Variants in SVIL observed in about 807,000 individuals in gnomAD.
The protein encoded by SVIL is archvillin.
SVIL carries 101 observed loss-of-function variants against 240.4 expected under a neutral mutation model. That is an observed-to-expected ratio of 0.42 (90% confidence interval 0.36 to 0.50). SVIL has a LOEUF of 0.50. SVIL is among the 20% of genes least tolerant of loss of function. SVIL has a pLI of 0.01. For synonymous variants in SVIL, 999 were observed against 1,100.0 expected, an observed-to-expected ratio of 0.91 and a Z score of 1.82; for missense variants, 2,512 against 2,818.7, an observed-to-expected ratio of 0.89 and a Z score of 2.46.
chr10:29,656,194 A>T (rs1351167407), intron 3 of SVIL, among the ~76,000 whole-genome samples: 59 of 147,180 alleles, frequency 4.0e-4, no homozygotes, highest in Admixed American at 7.4e-4. Flanking sequence ...TTTTTTTTTT[A>T]AAAACATGAA....
At chr10:29,464,192 T>G (rs1944614665) in intron 34 of SVIL, among the ~76,000 whole-genome samples, 1 of 152,042 alleles carries the variant, frequency 6.6e-6, no homozygotes, top group African/African-American at 2.4e-5. Context: ...ATCCCAGTGC[T>G]TTGGGAGGCT....
At chr10:29,611,638 C>T (rs1957247002) in intron 1 of SVIL, among the ~76,000 whole-genome samples, 2 of 152,142 alleles carry the variant, frequency 1.3e-5, no homozygotes, top group African/African-American at 4.8e-5. Flanking sequence ...TAAGGGGTAG[C>T]AAAAGGTAAG....
At chr10:29,470,598 G>T in intron 31 of SVIL, 115 bp from the exon 32 acceptor site, 1 of 1,160,552 alleles carries the variant, frequency 8.6e-7, no homozygotes. Flanking sequence ...CCAGGGCCAG[G>T]GACTTAGGGG....
rs573490315 is a variant in SVIL at position 29,487,381 on chromosome 10, G to A, written c.4349-82C>T. The A allele has an allele frequency of 4.1e-5, 60 of 1,469,668 alleles. No individual in the cohort carries two copies. In the East Asian group the frequency reaches 5.3e-4, roughly 13 times the overall value. The allele number at this position is 1,469,668 out of a possible 1,614,324, so 91.0% of individuals were successfully genotyped here. A position where few individuals can be genotyped will look rare whatever the true frequency, so the allele number is the denominator to read the frequency against. On this transcript the variant is annotated intron_variant, in intron 23 of 37. Transcript: ENST00000355867. ...CCCATATCGGAAGCATCCCTGCTGC[G>A]GACGCTTTCACTTCTAAAGAGTCTT...
At chr10:29,521,524 C>A (rs1950563076) in intron 16 of SVIL, among the ~76,000 whole-genome samples, 1 of 151,906 alleles carries the variant, frequency 6.6e-6, no homozygotes, top group African/African-American at 2.4e-5. Context: ...TTTTTTTGTA[C>A]AAATTTATGT....
intron 32 of SVIL, 75 bp from the exon 33 acceptor site, chr10:29,467,950 T>C (rs1945114514): frequency 2.0e-6 from 3 of 1,473,512 alleles, no homozygotes; most frequent in Admixed American, 1.9e-5. Context: ...ATTACTATTA[T>C]GATAACAGCT....
In SVIL at chr10:29,522,478, T is replaced by C. The variant is rs752516607; in HGVS notation, c.3321A>G (p.Gly1107=). 1.1e-5 allele frequency: 18 copies of C among 1,614,106 alleles called. No individual in the cohort carries two copies. The highest frequency in any genetic ancestry group is 1.7e-5 in the Admixed American group (1 of 60,008). Residue 1107 remains glycine (G), a synonymous_variant, in exon 16 of 38, where the codon GGA becomes GGG. Coordinates refer to ENST00000355867, the MANE Select transcript of SVIL (RefSeq NM_021738.3). The stretch of plus-strand genomic sequence containing the variant: ...CCTCCCCTGTCGGCGTTTTGATCTC[T>C]CCAGCAGCAAACATCGCACATGGAT... ...CKNPCAMFAA[G]EIKTPTGEGL...
At chr10:29,516,243 G>T (rs1369214193) in intron 16 of SVIL, among the ~76,000 whole-genome samples, 1 of 152,154 alleles carries the variant, frequency 6.6e-6, no homozygotes, top group Admixed American at 6.5e-5. Flanking sequence ...GTGCTGGCAG[G>T]GTTACCATTG....
intron 1 of SVIL, among the ~76,000 whole-genome samples, chr10:29,588,796 G>A (rs1006376369): frequency 4.6e-5 from 7 of 152,152 alleles, no homozygotes; most frequent in African/African-American, 1.7e-4. Flanking sequence ...CTGTGCAAGA[G>A]ATAAATGCGT....
intron 1 of SVIL, among the ~76,000 whole-genome samples, chr10:29,580,013 C>T (rs1324154170): frequency 6.6e-6 from 1 of 151,932 alleles, no homozygotes; most frequent in Non-Finnish European, 1.5e-5. Context: ...CAAGCGTAGA[C>T]CAACAACTTA....
intron 1 of SVIL, among the ~76,000 whole-genome samples, chr10:29,728,119 A>G (rs7098831): frequency 0.61 from 92,767 of 151,946 alleles, 29,652 homozygotes; most frequent in East Asian, 0.85. Context: ...TCTTAATATG[A>G]CCAATCATTC....
chr10:29,724,486 C>G (rs576578042), intron 1 of SVIL, among the ~76,000 whole-genome samples: 1 of 151,670 alleles, frequency 6.6e-6, no homozygotes. Flanking sequence ...TATGATTTTT[C>G]TTTTTCCTGG....
intron 30 of SVIL, among the ~76,000 whole-genome samples, chr10:29,472,520 A>G (rs1945701699): frequency 6.6e-6 from 1 of 152,250 alleles, no homozygotes; most frequent in South Asian, 2.1e-4. Flanking sequence ...AAAGAATCCC[A>G]GAGTTAATTC....
intron 6 of SVIL, among the ~76,000 whole-genome samples, chr10:29,539,580 C>A (rs1474596276): frequency 6.6e-6 from 1 of 152,328 alleles, no homozygotes; most frequent in East Asian, 1.9e-4. Context: ...CAACAGTGAA[C>A]ACGCTGTCCT....
At chr10:29,614,907 C>T (rs144241349) in intron 1 of SVIL, among the ~76,000 whole-genome samples, 1 of 152,166 alleles carries the variant, frequency 6.6e-6, no homozygotes, top group Non-Finnish European at 1.5e-5. Flanking sequence ...GCCCATGCTG[C>T]AAGTGGCGCT....
intron 6 of SVIL, among the ~76,000 whole-genome samples, chr10:29,539,286 A>C (rs914963863): frequency 7.9e-5 from 12 of 152,254 alleles, no homozygotes. Flanking sequence ...CACAGTCAAC[A>C]CAGCAATGAA....
chr10:29,526,551 C>T (rs1431825292), intron 13 of SVIL, among the ~76,000 whole-genome samples: 1 of 152,150 alleles, frequency 6.6e-6, no homozygotes, highest in East Asian at 1.9e-4. Flanking sequence ...GATCCACCTG[C>T]CTTGGCCTCT....
At chr10:29,521,792 C>T (rs766640866) in intron 16 of SVIL, among the ~76,000 whole-genome samples, 9 of 152,162 alleles carry the variant, frequency 5.9e-5, no homozygotes, top group African/African-American at 9.7e-5. Context: ...CTGCACCCTA[C>T]GTCATTCTTT....
intron 30 of SVIL, 104 bp from the exon 31 acceptor site, chr10:29,471,347 C>G: frequency 2.2e-6 from 2 of 898,900 alleles, no homozygotes; most frequent in Non-Finnish European, 3.3e-6. Flanking sequence ...CCAAGACGTA[C>G]AAACAAAAGC....
Sources: gnomAD v4.1 joint callset for allele counts (sites outside exome capture counted in the v4.1 genomes callset) on GRCh38, gnomAD v4.1.1 for gene constraint, MANE v1.5 for transcripts, NCBI Gene and HGNC (gene_info 2026-07-23, HGNC 2026-07-21) for gene names.